CRLS1: variants seen among roughly 807,000 people sequenced by gnomAD.
The protein encoded by CRLS1 is cardiolipin synthase 1.
A neutral mutation model predicts 37.0 loss-of-function variants in CRLS1; 24 were observed. The ratio of observed to expected loss-of-function variants is 0.65; its 90% CI spans 0.47 to 0.91. The LOEUF (loss-of-function observed/expected upper bound fraction) is 0.91. Ranked by LOEUF, CRLS1 falls within the 40% of genes least tolerant of loss-of-function variation. The pLI is 0.00. For missense variants in CRLS1, 373 were observed against 395.8 expected, an observed-to-expected ratio of 0.94 and a Z score of 0.49; for synonymous variants, 135 against 159.7, an observed-to-expected ratio of 0.85 and a Z score of 1.17.
chr20:6,015,691 A>G, intron 3 of CRLS1: 1 of 519,934 alleles, frequency 1.9e-6, no homozygotes, highest in East Asian at 3.6e-5. Context: ...TTTACTAGTA[A>G]AATCAGTTGC....
chr20:6,007,384 G>T lies in CRLS1; in HGVS notation c.306+832G>T, dbSNP rs750341656. On this transcript the variant is annotated intron_variant, in intron 1 of 6. Transcript: ENST00000378863. ...TCCTGACTGAAGTCCTTCCCAGAAC[G>T]GCAGTAGTTGGTCGAGTATGCCACA... The T allele has an allele frequency of 6.2e-6, 10 of 1,613,464 alleles. No homozygotes were observed. The African/African-American group carries it at 9.3e-5, about 15-fold the overall frequency.
At chr20:6,021,303 GT>G (rs2122972136) in intron 3 of CRLS1, among the ~76,000 whole-genome samples, 1 of 152,100 alleles carries the variant, frequency 6.6e-6, no homozygotes, top group South Asian at 2.1e-4. Context: ...CAGACCTCAA[GT>G]GATCTGCCCG....
chr20:6,011,571 G>GATTTTTT (rs1568616510), intron 2 of CRLS1, among the ~76,000 whole-genome samples: 2 of 42,642 alleles, frequency 4.7e-5, no homozygotes, highest in African/African-American at 1.3e-4. Context: ...TTTTGTCCCT[G>GATTTTTT]CTTTTTTTTT....
In CRLS1 at chr20:6,018,216, CAAA is replaced by C. The variant is rs57874755; in HGVS notation, c.574+2745_574+2747del. On this transcript the variant is annotated intron_variant, in intron 3 of 6. Transcript: ENST00000378863. ...GAGTGATGGAGTGAGACTCTGTCCT[CAAA>C]AAAAAAAAAAAAAAAAAATTATTTT... is the stretch of plus-strand genomic sequence containing the variant. Among the ~76,000 whole-genome samples, 14 of 78,338 alleles carry C rather than the reference CAAA, an allele frequency of 1.8e-4. No homozygotes were observed. In the South Asian group the frequency reaches 5.4e-3, roughly 30 times the overall value. The allele number at this position is 78,338 out of a possible 152,430, so 51.4% of individuals were successfully genotyped here.
chr20:6,033,342 G>T (rs1371797154), intron 5 of CRLS1, among the ~76,000 whole-genome samples: 1 of 151,928 alleles, frequency 6.6e-6, no homozygotes, highest in Non-Finnish European at 1.5e-5. Flanking sequence ...CACCATGTTG[G>T]TCAGACTGGT....
intron 2 of CRLS1, among the ~76,000 whole-genome samples, chr20:6,013,640 A>T (rs963854424): frequency 1.3e-5 from 2 of 152,178 alleles, no homozygotes; most frequent in Non-Finnish European, 2.9e-5. Context: ...GTGAGAGCAG[A>T]GACAGTGTGG....
At chr20:6,007,436 T>C in intron 1 of CRLS1, 1 of 1,610,256 alleles carries the variant, frequency 6.2e-7, no homozygotes, top group Non-Finnish European at 8.5e-7. Flanking sequence ...AATCTGAGAT[T>C]AGCTCTCCTA....
chr20:6,014,346 A>T (rs1329272190), intron 2 of CRLS1, among the ~76,000 whole-genome samples: 1 of 152,220 alleles, frequency 6.6e-6, no homozygotes, highest in Non-Finnish European at 1.5e-5. Flanking sequence ...ACGGTCCTGG[A>T]CTACCGCTGT....
chr20:6,024,574 C>G (rs1361381209), intron 3 of CRLS1, among the ~76,000 whole-genome samples: 1 of 152,144 alleles, frequency 6.6e-6, no homozygotes, highest in Non-Finnish European at 1.5e-5. Flanking sequence ...AATAACCCTG[C>G]AATGTGAAAG....
rs527289264 is a variant in CRLS1 at position 6,014,345 on chromosome 20, G to A, written c.445-1016G>A. Among the ~76,000 whole-genome samples the A allele has an allele frequency of 2.1e-3, 315 of 152,300 alleles. 1 individual carries two copies. Among genetic ancestry groups the A allele is most frequent in the African/African-American group, 7.4e-3 (309 of 41,568 alleles). ...CACATTTTTTTTTACCACGGTCCTGGACTACCGCTGTCTCCTCTAACTCAT... is the reference window on the plus strand; with the variant it reads ...CACATTTTTTTTTACCACGGTCCTGAACTACCGCTGTCTCCTCTAACTCAT... On this transcript the variant is annotated intron_variant, in intron 2 of 6. Coordinates refer to ENST00000378863, the MANE Select transcript of CRLS1 (RefSeq NM_019095.6).
In CRLS1 at chr20:6,009,911, T is replaced by C. The variant is rs1379247326; in HGVS notation, c.443T>C (p.Leu148Ser). The C allele has an allele frequency of 6.2e-7, 1 of 1,613,414 alleles. No homozygotes were observed. Among genetic ancestry groups the C allele is most frequent in the Non-Finnish European group, 8.5e-7 (1 of 1,179,732 alleles). Reference sequence around the variant, plus strand: ...TTTGCTTTAGCTGGACTAACAGATTTGGTAAGTTGTAAATGCACTCCCAGT... The same window carrying C: ...TTTGCTTTAGCTGGACTAACAGATTCGGTAAGTTGTAAATGCACTCCCAGT... ...GVFALAGLTD[L>S]LDGFIARNWA... Residue 148 changes from leucine (L) to serine (S), a missense_variant and splice_region_variant, in exon 2 of 7, where the codon TTG becomes TCG. Leu to Ser is a moderately radical substitution (Grantham distance 145). Coordinates refer to ENST00000378863, the MANE Select transcript of CRLS1 (RefSeq NM_019095.6).
At chr20:6,016,853 C>T (rs1335975134) in intron 3 of CRLS1, among the ~76,000 whole-genome samples, 1 of 152,144 alleles carries the variant, frequency 6.6e-6, no homozygotes, top group Non-Finnish European at 1.5e-5. Flanking sequence ...CTCCTTTTCT[C>T]CAGTTGTTTT....
At chr20:6,026,874 C>T (rs1421884718) in intron 3 of CRLS1, among the ~76,000 whole-genome samples, 1 of 152,064 alleles carries the variant, frequency 6.6e-6, no homozygotes, top group African/African-American at 2.4e-5. Flanking sequence ...CTCCAGTGCC[C>T]CTTGGTTCAG....
chr20:6,031,338 T>C lies in CRLS1; in HGVS notation c.628T>C (p.Phe210Leu). Residue 210 changes from phenylalanine (F) to leucine (L), a missense_variant, in exon 4 of 7, where the codon TTT becomes CTT. Transcript: ENST00000378863. ...SRDVMLIAAVFYVRYRTLPTP... is the reference protein window; with the variant it reads ...SRDVMLIAAVLYVRYRTLPTP... Reference sequence around the variant, plus strand: ...AGATGTAATGTTGATTGCTGCTGTTTTTTATGTCAGATACCGAACTCTTCC... The same window carrying C: ...AGATGTAATGTTGATTGCTGCTGTTCTTTATGTCAGATACCGAACTCTTCC... 6.2e-7 allele frequency: 1 copy of C among 1,610,376 alleles called. No individual in the cohort carries two copies.
chr20:6,011,847 C>T (rs568014784), intron 2 of CRLS1, among the ~76,000 whole-genome samples: 4 of 151,800 alleles, frequency 2.6e-5, no homozygotes, highest in Admixed American at 1.3e-4. Context: ...CGGCCTCCCT[C>T]GGCCTGGGAT....
chr20:6,023,176 T>C (rs1202978944), intron 3 of CRLS1, among the ~76,000 whole-genome samples: 1 of 152,238 alleles, frequency 6.6e-6, no homozygotes, highest in Admixed American at 6.5e-5. Context: ...AGTTGTTTTA[T>C]AGACTCTGAT....
intron 5 of CRLS1, 93 bp from the exon 6 acceptor site, chr20:6,034,371 G>A (rs1025490240): frequency 1.4e-5 from 11 of 799,250 alleles, no homozygotes; most frequent in Non-Finnish European, 2.1e-5. Flanking sequence ...GGTATGTCAT[G>A]TTATAGTGTG....
chr20:6,025,720 A>G (rs146707581), intron 3 of CRLS1, among the ~76,000 whole-genome samples: 12 of 152,360 alleles, frequency 7.9e-5, no homozygotes, highest in African/African-American at 2.6e-4. Flanking sequence ...GGAGAAAGTC[A>G]AAATATCACC....
chr20:6,015,627 A>G (rs1054126633), intron 3 of CRLS1, 137 bp downstream of exon 3: 1 of 806,894 alleles, frequency 1.2e-6, no homozygotes, highest in Admixed American at 2.1e-5. Flanking sequence ...CTAATTTTAA[A>G]CTGTTGAACT....
Sources: allele counts gnomAD v4.1 joint callset (sites outside exome capture counted in the v4.1 genomes callset), GRCh38; gene constraint gnomAD v4.1.1; transcripts MANE v1.5; gene names NCBI Gene and HGNC (gene_info 2026-07-23, HGNC 2026-07-21).